SCUBE2: variants seen among roughly 807,000 people sequenced by gnomAD.
SCUBE2 encodes signal peptide, CUB and EGF-like domain-containing protein 2.
In SCUBE2, 114 loss-of-function variants were observed where a neutral mutation model predicts 125.9. The observed-to-expected ratio is 0.91, with a 90% CI of 0.78 to 1.06. The LOEUF is 1.06. Among genes scored for constraint, SCUBE2 ranks in the 50% least tolerant of loss-of-function variants. The probability of loss-of-function intolerance (pLI) is 0.00; values close to 1 mark genes in which losing one functional copy is unlikely to be tolerated. For synonymous variants in SCUBE2, 459 were observed against 492.9 expected, an observed-to-expected ratio of 0.93 and a Z score of 0.91; for missense variants, 1,255 against 1,301.8, an observed-to-expected ratio of 0.96 and a Z score of 0.55.
rs184145956 is a variant in SCUBE2, at chr11:9,048,558, T to C, written c.1640-460A>G. Among the ~76,000 whole-genome samples the C allele has an allele frequency of 3.9e-4, 60 of 152,240 alleles. 1 individual carries two copies. The highest frequency in any genetic ancestry group is 3.9e-3 in the East Asian group (20 of 5,186). On this transcript the variant is annotated intron_variant, in intron 14 of 22. Transcript: ENST00000649792. ...GCTTTCAGGCAAACTGACCTTGGAGTCATTCTAACCTGAAAGGAAAGCTGG... is the reference window on the plus strand; with the variant it reads ...GCTTTCAGGCAAACTGACCTTGGAGCCATTCTAACCTGAAAGGAAAGCTGG...
chr11:9,045,599 AC>A lies in SCUBE2; in HGVS notation c.2002+1756del, dbSNP rs1857626898. On this transcript the variant is annotated intron_variant, in intron 16 of 22. Coordinates refer to ENST00000649792, the MANE Select transcript of SCUBE2 (RefSeq NM_001367977.2). ...CCATCAAATAGACCAGGACTAGAAGACAGACAGACAGACACACACACACACA... is the reference window on the plus strand; with the variant it reads ...CCATCAAATAGACCAGGACTAGAAGAAGACAGACAGACACACACACACACA... Among the ~76,000 whole-genome samples the A allele has an allele frequency of 2.6e-5, 3 of 113,490 alleles. No individual in the cohort carries two copies. The South Asian group carries it at 1.0e-3, about 40-fold the overall frequency. 74.5% of individuals were successfully genotyped at this position (113,490 alleles called of 152,430 possible).
At chr11:9,079,056 T>TTA (rs1861423515) in intron 3 of SCUBE2, among the ~76,000 whole-genome samples, 1 of 91,268 alleles carries the variant, frequency 1.1e-5, no homozygotes. Context: ...ACAGAAACAC[T>TTA]TACAGCATTG....
At position 9,030,009 on chromosome 11, in the gene SCUBE2, G is replaced by A; in HGVS notation, c.2378C>T (p.Thr793Ile). ...CSPGHFYNTT[T>I]HRCIRCPVGT... ...CACTGGGCAACGAATACATCGGTGA[G>A]TGGTGGTGTTGTAGAAATGTCCAGG... Residue 793 changes from threonine (T) to isoleucine (I), a missense_variant, in exon 19 of 23, where the codon ACT becomes ATT. Transcript: ENST00000649792. 1.2e-6 allele frequency: 2 copies of A among 1,614,222 alleles called. No individual in the cohort carries two copies. Among genetic ancestry groups the A allele is most frequent in the South Asian group, 1.1e-5 (1 of 91,086 alleles).
chr11:9,059,490 A>G, intron 8 of SCUBE2, 65 bp from the exon 9 acceptor site: 1 of 1,567,276 alleles, frequency 6.4e-7, no homozygotes, highest in Non-Finnish European at 8.7e-7. Flanking sequence ...CAACTCCCTG[A>G]AGGGCCATTG....
intron 2 of SCUBE2, among the ~76,000 whole-genome samples, chr11:9,088,867 G>A (rs1465287833): frequency 6.6e-6 from 1 of 152,208 alleles, no homozygotes; most frequent in East Asian, 1.9e-4. Flanking sequence ...AGAGCTAGGG[G>A]TGGAGACCTG....
Position 9,021,140 on chromosome 11 carries a change from T to G in SCUBE2, c.2992A>C (p.Lys998Gln), listed in dbSNP as rs1431272007. Reference protein sequence around the residue: ...DVLAHPQNYFKYTAQESREMF... With the variant: ...DVLAHPQNYFQYTAQESREMF... Reference sequence around the variant, plus strand: ...TCTCGGGACTCCTGGGCTGTGTACTTGAAATAGTTCTGGGGATGGGCCAGG... The same window carrying G: ...TCTCGGGACTCCTGGGCTGTGTACTGGAAATAGTTCTGGGGATGGGCCAGG... Residue 998 changes from lysine to glutamine, a missense_variant, in exon 23 of 23, where the codon AAG becomes CAG. This residue lies in a region of SCUBE2 where 515 missense variants were observed against 515.7 expected (regional missense o/e 1.00). Coordinates refer to ENST00000649792, the MANE Select transcript of SCUBE2 (RefSeq NM_001367977.2). 3 of 1,613,182 alleles carry G rather than the reference T, an allele frequency of 1.9e-6. No homozygotes were observed. Among genetic ancestry groups the G allele is most frequent in the Non-Finnish European group, 2.5e-6 (3 of 1,179,566 alleles).
Position 9,020,092 on chromosome 11 carries a change from T to C in SCUBE2, c.*953A>G, listed in dbSNP as rs142974520. Reference sequence around the variant, plus strand: ...TGAGACTGGGGAAGGAAGGCATACATGACAGGCTGGGCCTCACCACACCCA... The same window carrying C: ...TGAGACTGGGGAAGGAAGGCATACACGACAGGCTGGGCCTCACCACACCCA... On this transcript the variant is annotated 3_prime_UTR_variant, in exon 23 of 23. Transcript: ENST00000649792. 1.8e-3 allele frequency among the ~76,000 whole-genome samples: 277 copies of C among 152,298 alleles called. No individual in the cohort carries two copies. Among genetic ancestry groups the C allele is most frequent in the South Asian group, 4.1e-3 (20 of 4,828 alleles).
intron 2 of SCUBE2, among the ~76,000 whole-genome samples, chr11:9,085,707 CAA>C (rs2135980097): frequency 6.6e-6 from 1 of 151,382 alleles, no homozygotes; most frequent in East Asian, 1.9e-4. Flanking sequence ...GCCTGGGTGA[CAA>C]AGCGAGACTG....
chr11:9,046,929 C>T (rs1857839589), intron 16 of SCUBE2, among the ~76,000 whole-genome samples: 1 of 152,010 alleles, frequency 6.6e-6, no homozygotes, highest in East Asian at 1.9e-4. Flanking sequence ...GATTCTTACT[C>T]CTTAGCTAAG....
intron 8 of SCUBE2, chr11:9,059,740 G>A (rs1859471945): frequency 3.3e-6 from 1 of 304,624 alleles, no homozygotes; most frequent in East Asian, 6.2e-5. Flanking sequence ...CTCTCTCAAG[G>A]TAAGATGGGT....
chr11:9,087,056 A>G (rs1397464185), intron 2 of SCUBE2, among the ~76,000 whole-genome samples: 1 of 152,016 alleles, frequency 6.6e-6, no homozygotes, highest in Non-Finnish European at 1.5e-5. Flanking sequence ...GTATTATTTG[A>G]CTTTTTATAA....
At chr11:9,087,969 G>A (rs1862254485) in intron 2 of SCUBE2, among the ~76,000 whole-genome samples, 1 of 152,212 alleles carries the variant, frequency 6.6e-6, no homozygotes, top group Non-Finnish European at 1.5e-5. Context: ...AAGACTTTGT[G>A]TCAAGGTGCT....
Position 9,091,341 on chromosome 11 carries a change from ACT to A in SCUBE2, c.133+53_133+54del. 2 of 1,227,502 alleles carry A rather than the reference ACT, an allele frequency of 1.6e-6. No homozygotes were observed. Among genetic ancestry groups the A allele is most frequent in the Non-Finnish European group, 2.0e-6 (2 of 976,800 alleles). 76.0% of individuals were successfully genotyped at this position (1,227,502 alleles called of 1,614,324 possible). ...TCTGGACTCCGCCGGGGACCTAAAC[ACT>A]CTTCCTGGCCCTGCCTGCTGTGCCA... On this transcript the variant is annotated intron_variant, in intron 1 of 22. Transcript: ENST00000649792. This position sits in a 1 kb window ranked among gnomAD's most constrained non-coding sequence, Gnocchi z 8.5.
chr11:9,087,681 A>C (rs927094080), intron 2 of SCUBE2, among the ~76,000 whole-genome samples: 8 of 152,186 alleles, frequency 5.3e-5, no homozygotes, highest in Admixed American at 2.6e-4. Flanking sequence ...TGATATCCCA[A>C]GGGGTGTCAC....
intron 22 of SCUBE2, 56 bp downstream of exon 22, chr11:9,021,820 C>T: frequency 1.5e-6 from 2 of 1,325,316 alleles, no homozygotes; most frequent in South Asian, 1.2e-5. Context: ...CCTTCTCCAA[C>T]AGTACTCGGG....
chr11:9,084,181 T>A (rs1861878820), intron 2 of SCUBE2, among the ~76,000 whole-genome samples: 1 of 152,170 alleles, frequency 6.6e-6, no homozygotes, highest in South Asian at 2.1e-4. Flanking sequence ...AAATGTGACG[T>A]CAAAATGACA....
Position 9,054,189 on chromosome 11 carries a change from G to A in SCUBE2, c.1208-430C>T, listed in dbSNP as rs544549698. ...TTTTTGCATTTTTAGTAGAGATGGG[G>A]TTTCACCATGTTGGCCAGGCTGGTC... On this transcript the variant is annotated intron_variant, in intron 10 of 22. Coordinates refer to ENST00000649792, the MANE Select transcript of SCUBE2 (RefSeq NM_001367977.2). Among the ~76,000 whole-genome samples, 4 of 152,090 alleles carry A rather than the reference G, an allele frequency of 2.6e-5. No individual in the cohort carries two copies. In the East Asian group the frequency reaches 7.7e-4, roughly 29 times the overall value.
In SCUBE2 at chr11:9,053,223, G is replaced by T. The variant is rs1858616288; in HGVS notation, c.1331-8C>A. 6.2e-7 allele frequency: 1 copy of T among 1,605,146 alleles called. No homozygotes were observed. The highest frequency in any genetic ancestry group is 8.5e-7 in the Non-Finnish European group (1 of 1,171,860). On this transcript the variant is annotated splice_region_variant and splice_polypyrimidine_tract_variant and intron_variant, in intron 11 of 22. Coordinates refer to ENST00000649792, the MANE Select transcript of SCUBE2 (RefSeq NM_001367977.2). ...GCAGGAGCCCCTTCACTTCTAGACA[G>T]GACAAAACAGACACTTACAGAAAGA... is the stretch of plus-strand genomic sequence containing the variant.
chr11:9,068,475 T>C (rs1590121390), intron 5 of SCUBE2, among the ~76,000 whole-genome samples: 1 of 152,148 alleles, frequency 6.6e-6, no homozygotes, highest in African/African-American at 2.4e-5. Context: ...GCAAGGTCCC[T>C]GACTTGGAGG....
Sources: allele counts gnomAD v4.1 joint callset (sites outside exome capture counted in the v4.1 genomes callset), GRCh38; gene constraint gnomAD v4.1.1; regional missense constraint gnomAD v4.1.1; non-coding constraint Gnocchi (gnomAD v3.1); transcripts MANE v1.5; gene names NCBI Gene and HGNC (gene_info 2026-07-23, HGNC 2026-07-21).